CTSV: variants seen among roughly 807,000 people sequenced by gnomAD.
CTSV encodes the protein cathepsin L2.
CTSV carries 33 observed loss-of-function variants against 35.6 expected under a neutral mutation model. That is an observed-to-expected ratio of 0.93 (90% CI 0.70 to 1.24). The LOEUF is 1.24. Ranked by LOEUF, CTSV falls within the 50% of genes most tolerant of loss-of-function variation. The pLI, the probability that CTSV is intolerant of heterozygous loss-of-function variation, is 0.00. For missense variants in CTSV, 408 were observed against 413.1 expected, an observed-to-expected ratio of 0.99 and a Z score of 0.11; for synonymous variants, 154 against 147.1, an observed-to-expected ratio of 1.05 and a Z score of -0.34.
chr9:97,032,767 TAAC>T lies in CTSV; in HGVS notation c.*179_*181del, dbSNP rs1311382599. ...GTCTTTGATATCATAAAGCTGTGTA[TAAC>T]AATAATTAAAGTAGTGGTAACATTT... On this transcript the variant is annotated 3_prime_UTR_variant, in exon 8 of 8. Transcript: ENST00000259470. 2 of 476,970 alleles carry T rather than the reference TAAC, an allele frequency of 4.2e-6. No homozygotes were observed. The highest frequency in any genetic ancestry group is 3.9e-5 in the African/African-American group (2 of 51,470). The allele number at this position is 476,970 out of a possible 1,614,324, so 29.5% of individuals were successfully genotyped here. A position where few individuals can be genotyped will look rare whatever the true frequency, so the allele number is the denominator to read the frequency against.
intron 5 of CTSV, among the ~76,000 whole-genome samples, chr9:97,036,224 C>T (rs1387749664): frequency 1.3e-5 from 2 of 152,066 alleles, no homozygotes; most frequent in Non-Finnish European, 2.9e-5. Flanking sequence ...GCACCCGCCA[C>T]CAGGCCGGGC....
intron 5 of CTSV, chr9:97,036,300 T>C (rs900262002): frequency 4.6e-5 from 26 of 562,136 alleles, no homozygotes; most frequent in Non-Finnish European, 7.3e-5. Context: ...CTTGATCTCC[T>C]GACCTCGTGA....
chr9:97,035,577 G>A lies in CTSV; in HGVS notation c.738C>T (p.Ile246=). ...LMKAVATVGP[I]SVAMDAGHSS... is the part of the protein sequence containing the mutation. ...AATGGCCTGCATCCATAGCAACGGA[G>A]ATGGGCCCCACAGTTGCGACTGCTT... Residue 246 remains isoleucine, a synonymous_variant, in exon 6 of 8, where the codon ATC becomes ATT. Transcript: ENST00000259470. 2 of 1,595,958 alleles carry A rather than the reference G, an allele frequency of 1.3e-6. No homozygotes were observed. Among genetic ancestry groups the A allele is most frequent in the South Asian group, 1.1e-5 (1 of 88,750 alleles).
intron 5 of CTSV, chr9:97,036,282 A>G: frequency 1.9e-6 from 1 of 522,976 alleles, no homozygotes; most frequent in Middle Eastern, 5.3e-4. Flanking sequence ...TGTGTTAGCC[A>G]GGATTGTCTT....
chr9:97,036,876 G>A (rs1411702982), intron 4 of CTSV, 129 bp from the exon 5 acceptor site: 5 of 847,308 alleles, frequency 5.9e-6, no homozygotes, highest in South Asian at 2.2e-5. Flanking sequence ...AGGCCGAGGC[G>A]GGCAGATCAC....
At chr9:97,035,767 ACACT>A in intron 5 of CTSV, 74 bp from the exon 6 acceptor site, 9 of 1,074,800 alleles carry the variant, frequency 8.4e-6, no homozygotes, top group Non-Finnish European at 9.8e-6. Flanking sequence ...TAGAACCGAA[ACACT>A]CAGCAATTTG....
In CTSV at chr9:97,035,681, T is replaced by C; in HGVS notation, c.634A>G (p.Lys212Glu). 6.5e-7 allele frequency: 1 copy of C among 1,536,706 alleles called. No homozygotes were observed. The highest frequency in any genetic ancestry group is 8.8e-7 in the Non-Finnish European group (1 of 1,137,324). ...GCAACAGAATTCTCAGGTCTGTACT[T>C]ACAGATTTCATCCTTTTAAAGTTAA... ...YPYVAVDEIC[K>E]YRPENSVAND... Residue 212 changes from lysine to glutamate, a missense_variant, in exon 6 of 8, where the codon AAG becomes GAG. Lys to Glu is a moderately conservative substitution (Grantham distance 56). Coordinates refer to ENST00000259470, the MANE Select transcript of CTSV (RefSeq NM_001333.4).
chr9:97,036,795 A>C, intron 4 of CTSV, 48 bp from the exon 5 acceptor site: 3 of 1,410,066 alleles, frequency 2.1e-6, no homozygotes, highest in Non-Finnish European at 2.9e-6. Flanking sequence ...ACCAATACAA[A>C]TACAGTACCC....
chr9:97,038,591 G>C (rs1219695520), intron 1 of CTSV: 1 of 153,334 alleles, frequency 6.5e-6, no homozygotes, highest in Non-Finnish European at 1.5e-5. Flanking sequence ...CCCACACTTG[G>C]GTCTGTGCTA....
chr9:97,036,073 A>ATTT (rs35372861), intron 5 of CTSV, among the ~76,000 whole-genome samples: 1 of 144,194 alleles, frequency 6.9e-6, no homozygotes. Context: ...AAGGCTAATA[A>ATTT]TTTTTTTTTT....
Position 97,035,647 on chromosome 9 carries a change from G to T in CTSV, c.668C>A (p.Thr223Asn). The change falls in exon 6 of 8, where the codon ACT (threonine) becomes AAT (asparagine). Residue 223 changes from threonine to asparagine, a missense_variant. By Grantham distance (65) the Thr-to-Asn change is moderately conservative. Coordinates refer to ENST00000259470, the MANE Select transcript of CTSV (RefSeq NM_001333.4). ...TCCAGGTGCGACCACTGTGAAGCCA[G>T]TGTCATTAGCAACAGAATTCTCAGG... ...YRPENSVAND[T>N]GFTVVAPGKE... 1 of 1,596,362 alleles carries T rather than the reference G, an allele frequency of 6.3e-7. No homozygotes were observed. The highest frequency in any genetic ancestry group is 8.5e-7 in the Non-Finnish European group (1 of 1,170,420).
Position 97,037,630 on chromosome 9 carries a change from A to G in CTSV, c.127-15T>C. 1 of 1,613,114 alleles carries G rather than the reference A, an allele frequency of 6.2e-7. No individual in the cohort carries two copies. The highest frequency in any genetic ancestry group is 1.1e-5 in the South Asian group (1 of 90,766). On this transcript the variant is annotated splice_polypyrimidine_tract_variant and intron_variant, in intron 2 of 7. Transcript: ENST00000259470. Reference sequence around the variant, plus strand: ...CCTTCTTCATTCTAGAGGCAAACATATAGCTGGTGGACTTTATGTCTACTT... The same window carrying G: ...CCTTCTTCATTCTAGAGGCAAACATGTAGCTGGTGGACTTTATGTCTACTT...
Position 97,036,514 on chromosome 9 carries a change from T to C in CTSV, c.621+9A>G. On this transcript the variant is annotated intron_variant, in intron 5 of 7. Transcript: ENST00000259470. ...GAGCACGAATGACAAGATAAGGAGC[T>C]CCATTTACCACTGCTACATATGGAT... 1.3e-6 allele frequency: 2 copies of C among 1,595,064 alleles called. No individual in the cohort carries two copies. The highest frequency in any genetic ancestry group is 2.2e-5 in the South Asian group (2 of 90,696).
In CTSV at chr9:97,037,342, C is replaced by T; in HGVS notation, c.306G>A (p.Lys102=). 6.2e-7 allele frequency: 1 copy of T among 1,614,214 alleles called. No individual in the cohort carries two copies. The highest frequency in any genetic ancestry group is 8.5e-7 in the Non-Finnish European group (1 of 1,180,034). The change falls in exon 4 of 8, where the codon AAG becomes AAA. Residue 102 remains lysine (K), a synonymous_variant. Transcript: ENST00000259470. ...MGCFRNQKFR[K]GKVFREPLFL... ...ACAGAGGCTCACGGAACACTTTCCC[C>T]TTCCTGAATTTCTGGTTTCGAAAGC...
intron 7 of CTSV, 116 bp downstream of exon 7, chr9:97,034,610 T>C: frequency 2.7e-6 from 2 of 742,678 alleles, no homozygotes; most frequent in Non-Finnish European, 4.7e-6. Context: ...TTAATATTTC[T>C]GTGTTCACTC....
intron 4 of CTSV, 141 bp from the exon 5 acceptor site, chr9:97,036,888 TGAGGA>T (rs990896626): frequency 2.6e-5 from 20 of 764,748 alleles, no homozygotes; most frequent in Admixed American, 2.1e-4. Flanking sequence ...GCAGATCACT[TGAGGA>T]GAGGAGTTTG....
In CTSV at chr9:97,029,967, T is replaced by C. The variant is rs10123757; in HGVS notation, c.*2982A>G. 39,734 of 152,182 alleles carry C rather than the reference T, an allele frequency of 0.26. 7,245 individuals carry two copies. Among genetic ancestry groups the C allele is most frequent in the African/African-American group, 0.5 (20,607 of 41,482 alleles). 9.4% of individuals were successfully genotyped at this position (152,182 alleles called of 1,614,324 possible). On this transcript the variant is annotated 3_prime_UTR_variant, in exon 8 of 8. Coordinates refer to ENST00000259470, the MANE Select transcript of CTSV (RefSeq NM_001333.4). ...CTTAGGAGCAACAGGCTGTACCATA[T>C]AGCCTAGGTGTGTAATAGGCTATAC...
At position 97,036,754 on chromosome 9, in the gene CTSV, A is replaced by C. The variant is rs2119234584; in HGVS notation, c.397-7T>G. 6.3e-7 allele frequency: 1 copy of C among 1,579,582 alleles called. No individual in the cohort carries two copies. ...AACAAGAACCACACTGTTTCTAAAA[A>C]GGGAGAAAAAAAAAGCTGTAAATTT... is the stretch of plus-strand genomic sequence containing the variant. On this transcript the variant is annotated splice_region_variant and splice_polypyrimidine_tract_variant and intron_variant, in intron 4 of 7. Transcript: ENST00000259470.
chr9:97,034,590 TA>T, intron 7 of CTSV, 135 bp downstream of exon 7: 1 of 677,512 alleles, frequency 1.5e-6, no homozygotes, highest in Non-Finnish European at 2.6e-6. Context: ...CGGAATCTTA[TA>T]ATCAAACATT....
Sources: gnomAD v4.1 joint callset for allele counts (sites outside exome capture counted in the v4.1 genomes callset) on GRCh38, gnomAD v4.1.1 for gene constraint, MANE v1.5 for transcripts, NCBI Gene and HGNC (gene_info 2026-07-23, HGNC 2026-07-21) for gene names.